The following AGBL4 variants were observed in gnomAD, a reference collection of about 807,000 sequenced individuals.
The protein encoded by AGBL4 is AGBL carboxypeptidase 4.
Under a neutral mutation model 66.4 loss-of-function variants are expected in AGBL4, and 58 were observed. The ratio of observed to expected loss-of-function variants is 0.87; its 90% CI spans 0.71 to 1.09. The LOEUF (loss-of-function observed/expected upper bound fraction) is 1.09, where lower values mean the gene tolerates loss of function less well. AGBL4 is among the 50% of genes least tolerant of loss of function. The pLI is 0.00. For synonymous variants in AGBL4, 234 were observed against 222.9 expected (o/e 1.05, Z -0.44); for missense variants, 579 against 631.0 (o/e 0.92, Z 0.88).
chr1:48,846,231 C>A (rs1646904988), intron 6 of AGBL4, among the ~76,000 whole-genome samples: 1 of 151,910 alleles, frequency 6.6e-6, no homozygotes, highest in Admixed American at 6.6e-5. Context: ...AGAAAGGGGC[C>A]TGCTATACCT....
chr1:49,881,131 A>G (rs1456935056), intron 1 of AGBL4, among the ~76,000 whole-genome samples: 1 of 151,904 alleles, frequency 6.6e-6, no homozygotes, highest in Non-Finnish European at 1.5e-5. Flanking sequence ...TGCGTCGCTC[A>G]CGCTGGGAGC....
chr1:48,812,479 C>T (rs1306345846), intron 6 of AGBL4, among the ~76,000 whole-genome samples: 4 of 152,292 alleles, frequency 2.6e-5, no homozygotes, highest in African/African-American at 2.4e-5. Context: ...TTTATTTATT[C>T]ATCAAACACT....
chr1:48,982,996 A>G (rs1327418338), intron 5 of AGBL4, among the ~76,000 whole-genome samples: 1 of 152,206 alleles, frequency 6.6e-6, no homozygotes, highest in African/African-American at 2.4e-5. Flanking sequence ...GTGACAGGGT[A>G]AAAACAACAA....
At chr1:49,114,850 G>C (rs192452077) in intron 4 of AGBL4, among the ~76,000 whole-genome samples, 31 of 152,234 alleles carry the variant, frequency 2.0e-4, no homozygotes, top group Admixed American at 3.3e-4. Context: ...GTCATGGTTT[G>C]TAGCACCCCA....
chr1:49,504,196 G>A (rs968149406), intron 3 of AGBL4, among the ~76,000 whole-genome samples: 15 of 151,970 alleles, frequency 9.9e-5, no homozygotes, highest in African/African-American at 3.4e-4. Context: ...CACTCACTTC[G>A]TCCTTTCACC....
At chr1:49,395,106 G>A (rs1407486876) in intron 3 of AGBL4, among the ~76,000 whole-genome samples, 1 of 152,166 alleles carries the variant, frequency 6.6e-6, no homozygotes, top group Non-Finnish European at 1.5e-5. Flanking sequence ...TGATTGGCAT[G>A]ACCTTAATCC....
chr1:49,739,658 T>C (rs1479627271), intron 2 of AGBL4, among the ~76,000 whole-genome samples: 8 of 152,130 alleles, frequency 5.3e-5, no homozygotes, highest in Non-Finnish European at 8.8e-5. Flanking sequence ...GAGAGAAAGG[T>C]TGGGTTACCC....
chr1:48,941,725 T>C (rs10493139), intron 5 of AGBL4, among the ~76,000 whole-genome samples: 16,204 of 152,260 alleles, frequency 0.11, 957 homozygotes, highest in African/African-American at 0.13. Flanking sequence ...TTTAGGTTTT[T>C]TCATGTTATC....
At chr1:49,823,305 T>C (rs1047355339) in intron 2 of AGBL4, among the ~76,000 whole-genome samples, 1 of 152,124 alleles carries the variant, frequency 6.6e-6, no homozygotes, top group Non-Finnish European at 1.5e-5. Flanking sequence ...AGTGTGAAAA[T>C]TGACCTAGTG....
chr1:49,469,257 A>G (rs564341235), intron 3 of AGBL4, among the ~76,000 whole-genome samples: 29 of 151,906 alleles, frequency 1.9e-4, no homozygotes, highest in East Asian at 9.7e-4. Context: ...TGTTTCTCAA[A>G]TGTCCTTTAA....
At chr1:49,716,600 C>T (rs1464231880) in intron 2 of AGBL4, among the ~76,000 whole-genome samples, 1 of 148,798 alleles carries the variant, frequency 6.7e-6, no homozygotes, top group East Asian at 1.9e-4. Flanking sequence ...GGCTTCATCC[C>T]TGGCATGCAA....
chr1:49,343,613 G>A (rs912350152), intron 3 of AGBL4, among the ~76,000 whole-genome samples: 7 of 152,242 alleles, frequency 4.6e-5, no homozygotes, highest in African/African-American at 1.4e-4. Flanking sequence ...GTAGTAAAAC[G>A]CATGATAAAA....
At chr1:48,660,321 C>T (rs1343628874) in intron 7 of AGBL4, among the ~76,000 whole-genome samples, 1 of 152,220 alleles carries the variant, frequency 6.6e-6, no homozygotes, top group East Asian at 1.9e-4. Flanking sequence ...AACTGTGGTC[C>T]CAGCCAGATG....
chr1:49,102,085 T>C (rs887278171), intron 4 of AGBL4, among the ~76,000 whole-genome samples: 1 of 152,064 alleles, frequency 6.6e-6, no homozygotes, highest in Non-Finnish European at 1.5e-5. Flanking sequence ...CAGTAGGTTT[T>C]AGCAGCAGAT....
chr1:49,412,391 T>A (rs1164298352), intron 3 of AGBL4, among the ~76,000 whole-genome samples: 1 of 152,138 alleles, frequency 6.6e-6, no homozygotes, highest in Non-Finnish European at 1.5e-5. Flanking sequence ...ATGGGATTAG[T>A]GAGTCTCCAG....
At chr1:49,623,367 A>C (rs1645404278) in intron 3 of AGBL4, among the ~76,000 whole-genome samples, 1 of 152,220 alleles carries the variant, frequency 6.6e-6, no homozygotes, top group African/African-American at 2.4e-5. Flanking sequence ...CTTGATTCTA[A>C]AACCAAAATC....
chr1:48,581,392 C>A (rs1200827957), intron 11 of AGBL4, among the ~76,000 whole-genome samples: 1 of 152,196 alleles, frequency 6.6e-6, no homozygotes, highest in Non-Finnish European at 1.5e-5. Context: ...CAGCTACAAG[C>A]CTGGGTGGAA....
intron 4 of AGBL4, among the ~76,000 whole-genome samples, chr1:49,157,191 C>T (rs1646448648): frequency 6.6e-6 from 1 of 152,098 alleles, no homozygotes; most frequent in Non-Finnish European, 1.5e-5. Context: ...ACCTTCAACC[C>T]ATCATCTACA....
chr1:48,801,899 C>T (rs4926760), intron 6 of AGBL4, among the ~76,000 whole-genome samples: 1 of 144,560 alleles, frequency 6.9e-6, no homozygotes, highest in Non-Finnish European at 1.5e-5. Flanking sequence ...CTGGCCTTGC[C>T]TCCATAATAA....
Sources: gnomAD v4.1 joint callset for allele counts (sites outside exome capture counted in the v4.1 genomes callset) on GRCh38, gnomAD v4.1.1 for gene constraint, MANE v1.5 for transcripts, NCBI Gene and HGNC (gene_info 2026-07-23, HGNC 2026-07-21) for gene names.